The following MAN1A2 variants were observed in gnomAD, a reference collection of about 807,000 sequenced individuals.
The protein encoded by MAN1A2 is mannosidase alpha class 1A member 2, also known as mannosyl-oligosaccharide 1,2-alpha-mannosidase IB.
A neutral mutation model predicts 75.7 loss-of-function variants in MAN1A2; 26 were observed. The observed-to-expected ratio is 0.34, with a 90% CI of 0.25 to 0.48. The LOEUF is 0.48. MAN1A2 is among the 20% of genes least tolerant of loss of function. The pLI is 0.99. For synonymous variants in MAN1A2, 247 were observed against 264.6 expected (o/e 0.93, Z 0.65); for missense variants, 562 against 775.5 (o/e 0.72, Z 3.27).
chr1:117,472,823 T>C (rs1650203641), intron 8 of MAN1A2, among the ~76,000 whole-genome samples: 1 of 151,964 alleles, frequency 6.6e-6, no homozygotes, highest in African/African-American at 2.4e-5. Context: ...TTTTTTTTTT[T>C]ACAATTTTTA....
At position 117,491,926 on chromosome 1, in the gene MAN1A2, G is replaced by A. The variant is rs538618089; in HGVS notation, c.1169-1221G>A. 1.8e-4 allele frequency among the ~76,000 whole-genome samples: 28 copies of A among 152,196 alleles called. No individual in the cohort carries two copies. The East Asian group carries it at 5.2e-3, about 29-fold the overall frequency. On this transcript the variant is annotated intron_variant, in intron 8 of 12. Coordinates refer to ENST00000356554, the MANE Select transcript of MAN1A2 (RefSeq NM_006699.5). ...AAGTGGGGCCTGAAGATAGGACTGAGTTACTGCAGTCTTATGATAAGACTT... is the reference window on the plus strand; with the variant it reads ...AAGTGGGGCCTGAAGATAGGACTGAATTACTGCAGTCTTATGATAAGACTT...
chr1:117,405,689 A>G (rs757051209), intron 3 of MAN1A2, 44 bp downstream of exon 3: 1 of 1,059,628 alleles, frequency 9.4e-7, no homozygotes, highest in South Asian at 1.3e-5. Context: ...TTCTACCTCC[A>G]TCTTTTAAAA....
intron 3 of MAN1A2, among the ~76,000 whole-genome samples, chr1:117,413,339 A>G (rs1647883958): frequency 2.6e-5 from 4 of 151,958 alleles, no homozygotes; most frequent in South Asian, 4.1e-4. Flanking sequence ...AACAACCATC[A>G]TAAGAACAAA....
chr1:117,460,293 A>C (rs1649775055), intron 6 of MAN1A2, among the ~76,000 whole-genome samples, 196 bp from the exon 7 acceptor site: 1 of 152,236 alleles, frequency 6.6e-6, no homozygotes, highest in African/African-American at 2.4e-5. Flanking sequence ...TACTGGATTT[A>C]AAAACTACTG....
At chr1:117,417,560 T>TATATA (rs1648041035) in intron 4 of MAN1A2, among the ~76,000 whole-genome samples, 3 of 126,218 alleles carry the variant, frequency 2.4e-5, no homozygotes, top group South Asian at 2.5e-4. Context: ...TATATATATG[T>TATATA]GATATATATG....
rs1652030156 is a variant in MAN1A2, at chr1:117,526,746, T to C, written c.*3789T>C. 6.6e-6 allele frequency: 1 copy of C among 150,656 alleles called. No individual in the cohort carries two copies. The highest frequency in any genetic ancestry group is 2.4e-5 in the African/African-American group (1 of 41,182). The allele number at this position is 150,656 out of a possible 1,614,324, so 9.3% of individuals were successfully genotyped here. ...AAATATAAAGAAAAATATACTAAAA[T>C]ATTCAAAGTTCCAAATAACAGTTCC... On this transcript the variant is annotated 3_prime_UTR_variant, in exon 13 of 13. Coordinates refer to ENST00000356554, the MANE Select transcript of MAN1A2 (RefSeq NM_006699.5).
At chr1:117,495,775 A>G (rs1477673028) in intron 9 of MAN1A2, among the ~76,000 whole-genome samples, 1 of 151,904 alleles carries the variant, frequency 6.6e-6, no homozygotes, top group Non-Finnish European at 1.5e-5. Flanking sequence ...GATGAAAAAT[A>G]CCACCCCATA....
intron 1 of MAN1A2, among the ~76,000 whole-genome samples, chr1:117,393,253 C>G (rs938862102): frequency 3.3e-5 from 5 of 152,148 alleles, no homozygotes; most frequent in African/African-American, 1.2e-4. Flanking sequence ...TAATTAACCT[C>G]TTGGTTATTT....
chr1:117,434,072 G>T (rs1267988763), intron 5 of MAN1A2, among the ~76,000 whole-genome samples: 2 of 152,076 alleles, frequency 1.3e-5, no homozygotes, highest in Non-Finnish European at 1.5e-5. Flanking sequence ...TTTCTAAAGA[G>T]GTCAAAAGCT....
intron 8 of MAN1A2, among the ~76,000 whole-genome samples, chr1:117,470,868 A>G (rs3820501): frequency 0.14 from 20,966 of 152,026 alleles, 1,653 homozygotes; most frequent in Admixed American, 0.22. Context: ...AGCTTTGGCT[A>G]ACTGTATTAT....
intron 5 of MAN1A2, among the ~76,000 whole-genome samples, chr1:117,433,715 T>C (rs1045503190): frequency 1.3e-5 from 2 of 152,210 alleles, no homozygotes; most frequent in Non-Finnish European, 1.5e-5. Flanking sequence ...TACTGATTCA[T>C]TGTAGTCATT....
chr1:117,526,880 C>CTCTCTCTCTCTCTCTATATATATA lies in MAN1A2; in HGVS notation c.*3924_*3925insCTCTCTCTCTCTCTATATATATAT. 14 of 54,510 alleles carry CTCTCTCTCTCTCTCTATATATATA rather than the reference C, an allele frequency of 2.6e-4. No homozygotes were observed. The highest frequency in any genetic ancestry group is 6.4e-4 in the South Asian group (1 of 1,566). 3.4% of individuals were successfully genotyped at this position (54,510 alleles called of 1,614,324 possible). A position where few individuals can be genotyped will look rare whatever the true frequency, so the allele number is the denominator to read the frequency against. ...TCTCTCTCTCTCTCTCTCTCTCTCT[C>CTCTCTCTCTCTCTCTATATATATA]TATATATATATATATATATATATAT... On this transcript the variant is annotated 3_prime_UTR_variant, in exon 13 of 13. Transcript: ENST00000356554.
intron 12 of MAN1A2, among the ~76,000 whole-genome samples, chr1:117,517,533 T>C (rs1651748312): frequency 6.6e-6 from 1 of 152,062 alleles, no homozygotes; most frequent in African/African-American, 2.4e-5. Flanking sequence ...TGTTAGACAT[T>C]GCAGAAGTAA....
chr1:117,470,984 T>C (rs1650135718), intron 8 of MAN1A2, among the ~76,000 whole-genome samples: 1 of 151,858 alleles, frequency 6.6e-6, no homozygotes, highest in Non-Finnish European at 1.5e-5. Flanking sequence ...TAAAAGAATA[T>C]AGCAAGAAAC....
At position 117,519,789 on chromosome 1, in the gene MAN1A2, G is replaced by A. The variant is rs188191791; in HGVS notation, c.1794-3036G>A. On this transcript the variant is annotated intron_variant, in intron 12 of 12. Transcript: ENST00000356554. ...GTACCAATCCTTTTGACACTATTCC[G>A]CAAGACAGAGAAAGAAGTAACCCTC... Among the ~76,000 whole-genome samples the A allele has an allele frequency of 7.5e-4, 114 of 151,858 alleles. 1 individual carries two copies. Among genetic ancestry groups the A allele is most frequent in the African/African-American group, 2.7e-3 (110 of 41,476 alleles).
chr1:117,497,271 G>T (rs1213993084), intron 10 of MAN1A2, among the ~76,000 whole-genome samples: 1 of 151,920 alleles, frequency 6.6e-6, no homozygotes, highest in Non-Finnish European at 1.5e-5. Context: ...TTTAATATAA[G>T]AATCTATTTT....
chr1:117,463,604 A>G (rs1026108441), intron 7 of MAN1A2, among the ~76,000 whole-genome samples: 36 of 152,160 alleles, frequency 2.4e-4, no homozygotes, highest in African/African-American at 8.4e-4. Flanking sequence ...TGAACAAGAT[A>G]AAACAGAAAG....
At chr1:117,495,635 A>G (rs1444655454) in intron 9 of MAN1A2, among the ~76,000 whole-genome samples, 1 of 151,858 alleles carries the variant, frequency 6.6e-6, no homozygotes, top group African/African-American at 2.4e-5. Context: ...ATGCTTGGAT[A>G]TCTTTTAATT....
chr1:117,379,265 A>G (rs567190715), intron 1 of MAN1A2, among the ~76,000 whole-genome samples: 24 of 151,980 alleles, frequency 1.6e-4, no homozygotes, highest in African/African-American at 5.5e-4. Flanking sequence ...TTGTAATGTC[A>G]TTTCTGCAAT....
Sources: allele counts gnomAD v4.1 joint callset (sites outside exome capture counted in the v4.1 genomes callset), GRCh38; gene constraint gnomAD v4.1.1; transcripts MANE v1.5; gene names NCBI Gene and HGNC (gene_info 2026-07-23, HGNC 2026-07-21).